GRID1: variants seen among roughly 807,000 people sequenced by gnomAD.
GRID1 encodes glutamate receptor ionotropic, delta-1.
In GRID1, 28 loss-of-function variants were observed where a neutral mutation model predicts 98.0. The ratio of observed to expected loss-of-function variants is 0.29; its 90% CI spans 0.21 to 0.39. The LOEUF (loss-of-function observed/expected upper bound fraction) is 0.39. Ranked by LOEUF, GRID1 falls within the 10% of genes least tolerant of loss-of-function variation. The pLI is 1.00. For synonymous variants in GRID1, 553 were observed against 538.5 expected (o/e 1.03, Z -0.37); for missense variants, 1,111 against 1,340.5 (o/e 0.83, Z 2.67).
At chr10:85,655,618 A>C (rs1840885859) in intron 12 of GRID1, among the ~76,000 whole-genome samples, 1 of 152,076 alleles carries the variant, frequency 6.6e-6, no homozygotes, top group Non-Finnish European at 1.5e-5. Flanking sequence ...GAGACCCTTA[A>C]AGCTGCTTGA....
chr10:85,822,365 A>G (rs1349014854), intron 8 of GRID1, among the ~76,000 whole-genome samples: 1 of 152,182 alleles, frequency 6.6e-6, no homozygotes, highest in Non-Finnish European at 1.5e-5. Context: ...ACCCCATCAA[A>G]AAGTGGGCTA....
chr10:85,860,850 T>C (rs1843157701), intron 6 of GRID1, among the ~76,000 whole-genome samples: 1 of 152,180 alleles, frequency 6.6e-6, no homozygotes, highest in African/African-American at 2.4e-5. Flanking sequence ...CTCTGAGACT[T>C]ATCTTGATAA....
chr10:85,950,283 G>T (rs1338180997), intron 4 of GRID1, among the ~76,000 whole-genome samples: 2 of 152,132 alleles, frequency 1.3e-5, no homozygotes, highest in African/African-American at 4.8e-5. Context: ...AGGAAATGCC[G>T]CTATTCTGGA....
chr10:85,849,622 T>C (rs372390116), intron 8 of GRID1, among the ~76,000 whole-genome samples: 136 of 152,206 alleles, frequency 8.9e-4, no homozygotes, highest in Middle Eastern at 3.4e-3. Flanking sequence ...CAGAACTGCA[T>C]CGCCTCAAGT....
chr10:85,714,505 C>T (rs1312655513), intron 12 of GRID1, among the ~76,000 whole-genome samples: 2 of 151,928 alleles, frequency 1.3e-5, no homozygotes, highest in Non-Finnish European at 2.9e-5. Context: ...AAATCCTTGA[C>T]CTCACCAAAC....
chr10:86,264,686 T>C (rs2607863), intron 2 of GRID1: 457,936 of 473,412 alleles, frequency 0.97, 221,576 homozygotes, highest in East Asian at 1. Flanking sequence ...CCATGTCCCA[T>C]GCAGGAGCCG....
chr10:85,860,484 A>G (rs1330197595), intron 6 of GRID1, among the ~76,000 whole-genome samples: 1 of 152,208 alleles, frequency 6.6e-6, no homozygotes, highest in Non-Finnish European at 1.5e-5. Context: ...AGAAGCCAGG[A>G]AAAGGGCTTG....
chr10:85,747,362 A>G (rs1341517855), intron 8 of GRID1, among the ~76,000 whole-genome samples: 1 of 152,178 alleles, frequency 6.6e-6, no homozygotes, highest in Non-Finnish European at 1.5e-5. Context: ...CACAGTGATG[A>G]AATCTCATCT....
chr10:85,869,258 GC>G, intron 5 of GRID1, 78 bp from the exon 6 acceptor site: 1 of 1,298,778 alleles, frequency 7.7e-7, no homozygotes, highest in Non-Finnish European at 1.1e-6. Flanking sequence ...AGGCATCTAG[GC>G]CAGCAGCCTG....
At chr10:85,976,598 C>T (rs1204289211) in intron 4 of GRID1, among the ~76,000 whole-genome samples, 1 of 152,340 alleles carries the variant, frequency 6.6e-6, no homozygotes, top group Non-Finnish European at 1.5e-5. Context: ...GGCCCCTTGC[C>T]CCCGTGGCAT....
chr10:86,170,179 T>G (rs1845462522), intron 3 of GRID1, among the ~76,000 whole-genome samples: 1 of 152,090 alleles, frequency 6.6e-6, no homozygotes, highest in Non-Finnish European at 1.5e-5. Flanking sequence ...AGAGCCTGAG[T>G]GGCTCTGGCC....
chr10:86,165,914 C>T (rs529464977), intron 3 of GRID1, among the ~76,000 whole-genome samples: 1 of 152,280 alleles, frequency 6.6e-6, no homozygotes, highest in South Asian at 2.1e-4. Context: ...TGCAGAGCAA[C>T]GGTTCCCACC....
intron 2 of GRID1, among the ~76,000 whole-genome samples, chr10:86,244,531 T>C (rs1846690507): frequency 6.6e-6 from 1 of 152,228 alleles, no homozygotes; most frequent in Non-Finnish European, 1.5e-5. Context: ...CACCGCACCA[T>C]TATGCTAAGC....
At chr10:85,901,518 A>T (rs181997061) in intron 5 of GRID1, among the ~76,000 whole-genome samples, 3 of 152,196 alleles carry the variant, frequency 2.0e-5, no homozygotes, top group East Asian at 3.9e-4. Flanking sequence ...AAAGAAGAAG[A>T]GCTATCTTTT....
intron 2 of GRID1, among the ~76,000 whole-genome samples, chr10:86,284,624 G>A (rs545219675): frequency 3.9e-5 from 6 of 152,358 alleles, no homozygotes; most frequent in South Asian, 2.1e-4. Flanking sequence ...AGGCCTCTCA[G>A]AGCAGACCCC....
At chr10:86,157,064 G>A (rs1845255446) in intron 3 of GRID1, among the ~76,000 whole-genome samples, 1 of 152,156 alleles carries the variant, frequency 6.6e-6, no homozygotes, top group Non-Finnish European at 1.5e-5. Context: ...GGATGGCTTG[G>A]AGGCTTCCAA....
intron 4 of GRID1, among the ~76,000 whole-genome samples, chr10:86,077,941 CCAAGGCTCA>C (rs774477211): frequency 4.6e-5 from 7 of 152,250 alleles, no homozygotes; most frequent in African/African-American, 9.6e-5. Context: ...AGCTTTGACT[CCAAGGCTCA>C]CTGGGAAGGA....
At chr10:85,938,980 A>C (rs1841962871) in intron 4 of GRID1, among the ~76,000 whole-genome samples, 1 of 152,234 alleles carries the variant, frequency 6.6e-6, no homozygotes, top group African/African-American at 2.4e-5. Context: ...AACCTGCCAA[A>C]GTTTGATTAG....
rs914697795 is a variant in GRID1, at chr10:85,869,224, T to C, written c.781-44A>G. 7 of 1,554,508 alleles carry C rather than the reference T, an allele frequency of 4.5e-6. No homozygotes were observed. In the African/African-American group the frequency reaches 6.8e-5, roughly 15 times the overall value. The stretch of plus-strand genomic sequence containing the variant: ...CCATGCTTACCATCCACTCATGAAC[T>C]ATCTCTGCAAGAGACCTATCAGGAG... On this transcript the variant is annotated intron_variant, in intron 5 of 15. Transcript: ENST00000327946.
Sources: allele counts gnomAD v4.1 joint callset (sites outside exome capture counted in the v4.1 genomes callset), GRCh38; gene constraint gnomAD v4.1.1; transcripts MANE v1.5; gene names NCBI Gene and HGNC (gene_info 2026-07-23, HGNC 2026-07-21).